The following CNOT6L variants were observed in gnomAD, a reference collection of about 807,000 sequenced individuals.
The protein encoded by CNOT6L is CCR4-NOT transcription complex subunit 6 like.
In CNOT6L, 7 loss-of-function variants were observed where a neutral mutation model predicts 64.0. The observed-to-expected ratio is 0.11, with a 90% CI of 0.06 to 0.21. The LOEUF (loss-of-function observed/expected upper bound fraction) is 0.21. Among genes scored for constraint, CNOT6L ranks in the 10% least tolerant of loss-of-function variants. The pLI is 1.00. For synonymous variants in CNOT6L, 193 were observed against 243.4 expected (o/e 0.79, Z 1.93); for missense variants, 245 against 669.0 (o/e 0.37, Z 6.99).
intron 1 of CNOT6L, among the ~76,000 whole-genome samples, chr4:77,791,403 A>T (rs889775417): frequency 2.6e-5 from 4 of 152,180 alleles, no homozygotes; most frequent in African/African-American, 4.8e-5. Context: ...GATAAGTAAC[A>T]AATGTGTACG....
intron 6 of CNOT6L, among the ~76,000 whole-genome samples, chr4:77,745,791 G>A (rs2109957215): frequency 6.6e-6 from 1 of 152,278 alleles, no homozygotes; most frequent in South Asian, 2.1e-4. Flanking sequence ...AGCATCCCAG[G>A]TGATTATAAT....
intron 11 of CNOT6L, among the ~76,000 whole-genome samples, chr4:77,722,133 T>A (rs1363975643): frequency 6.6e-6 from 1 of 152,144 alleles, no homozygotes; most frequent in Non-Finnish European, 1.5e-5. Flanking sequence ...ATGCCTAGTT[T>A]TACAGTGATA....
intron 7 of CNOT6L, chr4:77,742,619 G>T: frequency 3.5e-6 from 1 of 289,256 alleles, no homozygotes; most frequent in South Asian, 4.0e-5. Context: ...ACTAAACAAA[G>T]CAAGTTGGGT....
chr4:77,763,044 G>C (rs1368723961), intron 4 of CNOT6L, among the ~76,000 whole-genome samples: 2 of 152,048 alleles, frequency 1.3e-5, no homozygotes, highest in South Asian at 2.1e-4. Context: ...AAACAGAATA[G>C]AGCAATTTCA....
chr4:77,752,590 A>G (rs1339777665), intron 5 of CNOT6L, among the ~76,000 whole-genome samples: 1 of 152,180 alleles, frequency 6.6e-6, no homozygotes, highest in African/African-American at 2.4e-5. Context: ...AACTCCTCTG[A>G]AAATAAAGAA....
intron 4 of CNOT6L, among the ~76,000 whole-genome samples, chr4:77,758,396 T>C (rs998352097): frequency 2.0e-5 from 3 of 152,096 alleles, no homozygotes; most frequent in East Asian, 1.9e-4. Flanking sequence ...AATGCGTCAC[T>C]GAGAGTCACA....
At chr4:77,765,709 G>A (rs1318722645) in intron 4 of CNOT6L, among the ~76,000 whole-genome samples, 1 of 152,150 alleles carries the variant, frequency 6.6e-6, no homozygotes, top group African/African-American at 2.4e-5. Context: ...TGCATTCTTG[G>A]TTAGTGTGAC....
intron 5 of CNOT6L, among the ~76,000 whole-genome samples, chr4:77,749,609 TTAAGTA>T (rs1724621140): frequency 6.6e-6 from 1 of 152,184 alleles, no homozygotes; most frequent in Non-Finnish European, 1.5e-5. Context: ...ATGTAGCAGT[TTAAGTA>T]TAACGCAATC....
chr4:77,813,870 A>G (rs985307553), intron 1 of CNOT6L, among the ~76,000 whole-genome samples: 1 of 152,204 alleles, frequency 6.6e-6, no homozygotes, highest in African/African-American at 2.4e-5. Flanking sequence ...ACAAAGTGGT[A>G]TATGTTCCAG....
intron 1 of CNOT6L, among the ~76,000 whole-genome samples, chr4:77,808,873 C>T (rs990005597): frequency 6.6e-5 from 10 of 152,124 alleles, no homozygotes. Flanking sequence ...CAGACTTAAA[C>T]ATCCTATAAA....
intron 1 of CNOT6L, among the ~76,000 whole-genome samples, chr4:77,790,083 C>G (rs1577988200): frequency 6.6e-6 from 1 of 152,126 alleles, no homozygotes; most frequent in East Asian, 1.9e-4. Flanking sequence ...TCCCCCTCCC[C>G]CTGGCAATCA....
At chr4:77,749,945 C>T (rs776364459) in intron 5 of CNOT6L, among the ~76,000 whole-genome samples, 4 of 152,114 alleles carry the variant, frequency 2.6e-5, no homozygotes, top group Middle Eastern at 3.2e-3. Flanking sequence ...TCCATTACAG[C>T]ATTGTTTATA....
At chr4:77,729,706 A>C (rs1722228781) in intron 9 of CNOT6L, among the ~76,000 whole-genome samples, 1 of 151,704 alleles carries the variant, frequency 6.6e-6, no homozygotes, top group African/African-American at 2.4e-5. Context: ...ATTTAACCAG[A>C]TTCTTTTGGG....
Position 77,768,441 on chromosome 4 carries a change from G to T in CNOT6L, c.400+4640C>A, listed in dbSNP as rs1727108477. Among the ~76,000 whole-genome samples the T allele has an allele frequency of 3.5e-5, 5 of 143,390 alleles. No individual in the cohort carries two copies. In the South Asian group the frequency reaches 1.1e-3, roughly 32 times the overall value. 94.1% of individuals were successfully genotyped at this position (143,390 alleles called of 152,430 possible). A position where few individuals can be genotyped will look rare whatever the true frequency, so the allele number is the denominator to read the frequency against. ...GATCGCGCCACTGCACTCCAGCCTG[G>T]GTAACAGAGTGAGACTCTGTCTAAA... On this transcript the variant is annotated intron_variant, in intron 4 of 11. Coordinates refer to ENST00000504123, the MANE Select transcript of CNOT6L (RefSeq NM_144571.3).
At chr4:77,768,696 A>G (rs1013890883) in intron 4 of CNOT6L, among the ~76,000 whole-genome samples, 2 of 151,936 alleles carry the variant, frequency 1.3e-5, no homozygotes, top group Non-Finnish European at 2.9e-5. Context: ...CAACAGACAC[A>G]TGAAAAGATG....
chr4:77,819,521 CG>C, upstream of CNOT6L: 1 of 855,030 alleles, frequency 1.2e-6, no homozygotes, highest in Non-Finnish European at 1.6e-6. Context: ...GGCCCGTAAC[CG>C]GGGCTCGCGG....
intron 4 of CNOT6L, among the ~76,000 whole-genome samples, chr4:77,770,971 A>G (rs1288292964): frequency 6.6e-6 from 1 of 152,208 alleles, no homozygotes; most frequent in East Asian, 1.9e-4. Context: ...AGAAATACTA[A>G]CAGTTGCTTT....
chr4:77,740,690 C>T (rs911123157), intron 8 of CNOT6L, among the ~76,000 whole-genome samples: 3 of 152,158 alleles, frequency 2.0e-5, no homozygotes, highest in South Asian at 2.1e-4. Flanking sequence ...TCTGGAAGTA[C>T]GGTCATATAC....
At chr4:77,767,040 G>A (rs1726913110) in intron 4 of CNOT6L, among the ~76,000 whole-genome samples, 1 of 120,080 alleles carries the variant, frequency 8.3e-6, no homozygotes, top group South Asian at 2.5e-4. Flanking sequence ...TCCAGCCTGG[G>A]CAACAGAGCG....
Sources: allele counts gnomAD v4.1 joint callset (sites outside exome capture counted in the v4.1 genomes callset), GRCh38; gene constraint gnomAD v4.1.1; transcripts MANE v1.5; gene names NCBI Gene and HGNC (gene_info 2026-07-23, HGNC 2026-07-21).